Variants in HYDIN observed in about 807,000 individuals in gnomAD.
HYDIN encodes the protein axonemal central pair apparatus protein HYDIN.
HYDIN carries 132 observed loss-of-function variants against 403.9 expected under a neutral mutation model. The observed-to-expected ratio is 0.33, with a 90% CI of 0.28 to 0.38. HYDIN has a LOEUF of 0.38. Among genes scored for constraint, HYDIN ranks in the 10% least tolerant of loss-of-function variants. HYDIN has a pLI of 1.00. For synonymous variants in HYDIN, 1,202 were observed against 1,891.7 expected (o/e 0.64, Z 9.46); for missense variants, 2,827 against 5,009.5 (o/e 0.56, Z 13.15).
chr16:70,937,424 G>A (rs1045705210), intron 44 of HYDIN, among the ~76,000 whole-genome samples: 9 of 151,308 alleles, frequency 5.9e-5, no homozygotes, highest in Non-Finnish European at 1.3e-4. Flanking sequence ...GAGGCAGGCA[G>A]ATCACTTGAT....
chr16:70,859,994 T>C lies in HYDIN; in HGVS notation c.12129+74A>G, dbSNP rs1233044699. The stretch of plus-strand genomic sequence containing the variant: ...GTTCTTCCTAATTCCACTTACTGTC[T>C]ATGGCACACTTTCCACACAGCAATG... On this transcript the variant is annotated intron_variant, in intron 71 of 85. Transcript: ENST00000393567. 107 of 1,451,132 alleles carry C rather than the reference T, an allele frequency of 7.4e-5. 3 individuals are homozygous for C. Among genetic ancestry groups the C allele is most frequent in the South Asian group, 1.8e-4 (15 of 85,470 alleles). 89.9% of individuals were successfully genotyped at this position (1,451,132 alleles called of 1,614,324 possible).
Position 70,834,933 on chromosome 16 carries a change from T to C in HYDIN, c.13401+743A>G, listed in dbSNP as rs553387796. 1.1e-3 allele frequency among the ~76,000 whole-genome samples: 169 copies of C among 148,758 alleles called. 2 individuals are homozygous for C. In the South Asian group the frequency reaches 0.034, roughly 30 times the overall value. On this transcript the variant is annotated intron_variant, in intron 78 of 85. Coordinates refer to ENST00000393567, the MANE Select transcript of HYDIN (RefSeq NM_001270974.2). ...ACACATATATACACACATATATGTA[T>C]ATATACACACATATATGTATATATA...
intron 12 of HYDIN, chr16:71,080,361 T>C (rs1306204342): frequency 2.0e-5 from 3 of 151,360 alleles, no homozygotes; most frequent in Non-Finnish European, 4.4e-5. Flanking sequence ...ATACTAGTAA[T>C]CCCTGTCCAT....
At chr16:71,207,580 C>A (rs375504626) in intron 1 of HYDIN, among the ~76,000 whole-genome samples, 1 of 152,122 alleles carries the variant, frequency 6.6e-6, no homozygotes, top group Non-Finnish European at 1.5e-5. Flanking sequence ...CAATACTAAC[C>A]TTGAATGTAA....
chr16:71,106,118 G>C (rs2083605906), intron 10 of HYDIN, among the ~76,000 whole-genome samples: 2 of 151,530 alleles, frequency 1.3e-5, no homozygotes, highest in Admixed American at 1.3e-4. Context: ...CTTTATGAAT[G>C]GATCCTACCT....
At chr16:71,031,456 G>C (rs7191904) in intron 19 of HYDIN, 67,710 of 1,060,360 alleles carry the variant, frequency 0.064, no homozygotes, top group African/African-American at 0.18. Flanking sequence ...ATTCTTCTCG[G>C]ATGTAGAGGG....
rs1394215643 is a variant in HYDIN at position 70,992,344 on chromosome 16, A to G, written c.3645-134T>C. ...AGGCAGATCTAGTAGGGACCACCCT[A>G]CACCCTCCCTTGAACTTGCCTTCTT... On this transcript the variant is annotated intron_variant, in intron 23 of 85. Transcript: ENST00000393567. 7.3e-6 allele frequency: 9 copies of G among 1,233,946 alleles called. No homozygotes were observed. The Admixed American group carries it at 3.4e-4, about 47-fold the overall frequency. 76.4% of individuals were successfully genotyped at this position (1,233,946 alleles called of 1,614,324 possible). A position where few individuals can be genotyped will look rare whatever the true frequency, so the allele number is the denominator to read the frequency against.
At chr16:70,861,359 CAAG>C (rs2039406085) in intron 69 of HYDIN, among the ~76,000 whole-genome samples, 1 of 152,014 alleles carries the variant, frequency 6.6e-6, no homozygotes, top group Admixed American at 6.6e-5. Flanking sequence ...TGCAGGAGGT[CAAG>C]GAGGCCCCAG....
intron 18 of HYDIN, among the ~76,000 whole-genome samples, chr16:71,049,134 G>A (rs1195193447): frequency 6.6e-6 from 1 of 152,280 alleles, no homozygotes; most frequent in African/African-American, 2.4e-5. Context: ...CAATAGAGAG[G>A]CCCGAACCTA....
At chr16:71,203,709 T>C (rs1318004106) in intron 1 of HYDIN, 3 of 455,276 alleles carry the variant, frequency 6.6e-6, no homozygotes, top group Non-Finnish European at 1.3e-5. Context: ...CACATTTGAA[T>C]ATGACCAGCA....
intron 58 of HYDIN, among the ~76,000 whole-genome samples, chr16:70,887,607 G>T (rs368965820): frequency 2.0e-5 from 3 of 151,868 alleles, no homozygotes; most frequent in African/African-American, 7.3e-5. Context: ...TTCTAAATTT[G>T]AGGTAATTTG....
rs780231833 is a variant in HYDIN, at chr16:70,837,828, T to C, written c.13104A>G (p.Val4368=). ...GAATCTCCAATGTGTTTCCTGGCTT[T>C]ACCACATCAACACGGGAGTTCACCT... is the stretch of plus-strand genomic sequence containing the variant. ...HLEVNSRVDV[V]KPGNTLEIPI... is the part of the protein sequence containing the mutation. The change falls in exon 77 of 86, where the codon GTA becomes GTG. Residue 4368 remains valine, a synonymous_variant. Coordinates refer to ENST00000393567, the MANE Select transcript of HYDIN (RefSeq NM_001270974.2). 1.2e-5 allele frequency: 19 copies of C among 1,613,874 alleles called. No individual in the cohort carries two copies. The Admixed American group carries it at 3.2e-4, about 27-fold the overall frequency.
chr16:71,225,878 T>C (rs1236035995), intron 1 of HYDIN, among the ~76,000 whole-genome samples: 1 of 152,166 alleles, frequency 6.6e-6, no homozygotes, highest in Non-Finnish European at 1.5e-5. Flanking sequence ...AAAAGTTGCA[T>C]GTTAAAAATT....
intron 23 of HYDIN, among the ~76,000 whole-genome samples, chr16:70,993,436 A>G (rs1271999699): frequency 5.3e-5 from 8 of 151,998 alleles, no homozygotes; most frequent in African/African-American, 9.7e-5. Flanking sequence ...ATGAAATTGG[A>G]AACATGTACA....
chr16:70,910,490 G>T (rs1260983924), intron 47 of HYDIN, among the ~76,000 whole-genome samples: 3 of 152,192 alleles, frequency 2.0e-5, no homozygotes, highest in Non-Finnish European at 4.4e-5. Context: ...TGACTGATGG[G>T]CATTTGGGAT....
chr16:71,221,246 GA>G (rs1159063344), intron 1 of HYDIN, among the ~76,000 whole-genome samples: 2 of 146,108 alleles, frequency 1.4e-5, no homozygotes. Context: ...CTAACAGAGA[GA>G]AAGGTATAAA....
At chr16:70,971,275 G>T (rs2078724589) in intron 35 of HYDIN, among the ~76,000 whole-genome samples, 1 of 152,286 alleles carries the variant, frequency 6.6e-6, no homozygotes. Flanking sequence ...TGATTCTGAA[G>T]TGTGTACTTT....
Position 71,129,644 on chromosome 16 carries a change from G to A in HYDIN, c.1223C>T (p.Pro408Leu). The A allele has an allele frequency of 6.2e-7, 1 of 1,613,100 alleles. No individual in the cohort carries two copies. The highest frequency in any genetic ancestry group is 8.5e-7 in the Non-Finnish European group (1 of 1,179,576). Residue 408 changes from proline to leucine, a missense_variant, in exon 9 of 86, where the codon CCC becomes CTC. Transcript: ENST00000393567. ...AGCTTTTATTTATATGCTCACCAGG[G>A]GCTCCACAGTGAAAACGTTATTGAA... is the stretch of plus-strand genomic sequence containing the variant. ...LFFNNVFTVE[P>L]LEGDVWPNSS...
chr16:71,199,634 G>A lies in HYDIN; in HGVS notation c.-23-12716C>T, dbSNP rs181216566. ...CAAGCTTTGGTTTATAATCTGTCCA[G>A]CCTTTCTAGTCACCTTCAGGAGAGG... On this transcript the variant is annotated intron_variant, in intron 1 of 85. Coordinates refer to ENST00000393567, the MANE Select transcript of HYDIN (RefSeq NM_001270974.2). Among the ~76,000 whole-genome samples the A allele has an allele frequency of 1.9e-3, 292 of 152,226 alleles. 1 individual carries two copies. The highest frequency in any genetic ancestry group is 3.4e-3 in the Middle Eastern group (1 of 294).
Sources: gnomAD v4.1 joint callset for allele counts (sites outside exome capture counted in the v4.1 genomes callset) on GRCh38, gnomAD v4.1.1 for gene constraint, MANE v1.5 for transcripts, NCBI Gene and HGNC (gene_info 2026-07-23, HGNC 2026-07-21) for gene names.